Variants in CIITA observed in about 807,000 individuals in gnomAD.
CIITA encodes the protein class II major histocompatibility complex transactivator.
In CIITA, 72 loss-of-function variants were observed where a neutral mutation model predicts 115.1. The observed-to-expected ratio is 0.63, with a 90% CI of 0.52 to 0.76. The LOEUF (loss-of-function observed/expected upper bound fraction) is 0.76. CIITA is among the 30% of genes least tolerant of loss of function. The pLI is 0.00. For missense variants in CIITA, 1,617 were observed against 1,463.8 expected, an observed-to-expected ratio of 1.10 and a Z score of -1.71; for synonymous variants, 763 against 635.6, an observed-to-expected ratio of 1.20 and a Z score of -3.02.
upstream of CIITA, among the ~76,000 whole-genome samples, chr16:10,875,668 T>C (rs1347309875): frequency 6.6e-6 from 1 of 152,152 alleles, no homozygotes; most frequent in Non-Finnish European, 1.5e-5. Flanking sequence ...TTTACTTATC[T>C]TTCTTTTCTT....
In CIITA at chr16:10,907,295, G is replaced by C. The variant is rs758215284; in HGVS notation, c.1803G>C (p.Arg601=). 74 of 1,613,438 alleles carry C rather than the reference G, an allele frequency of 4.6e-5. No individual in the cohort carries two copies. The South Asian group carries it at 7.8e-4, about 17-fold the overall frequency. The change falls in exon 11 of 20, where the codon CGG becomes CGC. Residue 601 remains arginine (R), a synonymous_variant. Transcript: ENST00000324288. The surrounding 1 kb of genome is among the most constrained non-coding windows in gnomAD (Gnocchi z 5.0). ...GAGCCCTGACGCTCCTCCGGGACCG[G>C]CCACTTCTTCTCAGTCACAGCCACA... ...QDRALTLLRD[R]PLLLSHSHSP...
At chr16:10,880,746 C>T (rs2036342255) in intron 1 of CIITA, among the ~76,000 whole-genome samples, 1 of 152,284 alleles carries the variant, frequency 6.6e-6, no homozygotes, top group Admixed American at 6.5e-5. Context: ...TAGTTCCAGG[C>T]AATCAGGGAA....
At chr16:10,904,893 A>G (rs2144650416) in intron 10 of CIITA, 81 bp downstream of exon 10, 1 of 1,382,384 alleles carries the variant, frequency 7.2e-7, no homozygotes, top group Non-Finnish European at 1.0e-6. Context: ...TTCACTTGAC[A>G]CTTATTCAAC....
rs956234241 is a variant in CIITA at position 10,930,471 on chromosome 16, A to G, written c.*6616A>G. The G allele has an allele frequency of 1.2e-4, 18 of 152,102 alleles. No individual in the cohort carries two copies. The highest frequency in any genetic ancestry group is 4.3e-4 in the African/African-American group (18 of 41,404). The allele number at this position is 152,102 out of a possible 1,614,324, so 9.4% of individuals were successfully genotyped here. A position where few individuals can be genotyped will look rare whatever the true frequency, so the allele number is the denominator to read the frequency against. ...CCCTCCTACCCTATTTCCAAGGTCG[A>G]CCTAAGGGGGCGGAACTGTTTCCAT... On this transcript the variant is annotated 3_prime_UTR_variant, in exon 20 of 20. Coordinates refer to ENST00000324288, the MANE Select transcript of CIITA (RefSeq NM_000246.4).
chr16:10,876,795 G>C (rs1320441291), upstream of CIITA, among the ~76,000 whole-genome samples: 2 of 152,210 alleles, frequency 1.3e-5, no homozygotes, highest in Admixed American at 6.5e-5. Context: ...TGGTAGAGGA[G>C]AGCAGCATCT....
chr16:10,869,934 T>A (rs1226121835), intron 1 of CIITA, among the ~76,000 whole-genome samples: 1 of 152,170 alleles, frequency 6.6e-6, no homozygotes, highest in Non-Finnish European at 1.5e-5. Context: ...CCCAAATACC[T>A]AGCACAGGGC....
At chr16:10,876,960 G>T (rs781600268), upstream of CIITA, among the ~76,000 whole-genome samples, 3 of 152,190 alleles carry the variant, frequency 2.0e-5, no homozygotes, top group Non-Finnish European at 2.9e-5. Context: ...ACTGTTGAAG[G>T]TTCCCCCAAC....
At chr16:10,870,552 C>G (rs1365698452) in intron 1 of CIITA, among the ~76,000 whole-genome samples, 1 of 152,192 alleles carries the variant, frequency 6.6e-6, no homozygotes, top group African/African-American at 2.4e-5. Context: ...CAACATCTAT[C>G]AGAGGCCAAA....
intron 5 of CIITA, among the ~76,000 whole-genome samples, chr16:10,900,754 A>T (rs1295162959): frequency 1.3e-5 from 2 of 150,716 alleles, no homozygotes; most frequent in African/African-American, 5.0e-5. Context: ...AAAAAAAAAA[A>T]TGTTTTCAAG....
At chr16:10,870,896 A>G (rs1227949676) in intron 1 of CIITA, among the ~76,000 whole-genome samples, 1 of 152,240 alleles carries the variant, frequency 6.6e-6, no homozygotes, top group Non-Finnish European at 1.5e-5. Context: ...GGTTTGAGGC[A>G]CCAAGAAAAA....
intron 1 of CIITA, among the ~76,000 whole-genome samples, chr16:10,870,520 A>T (rs1210918063): frequency 6.6e-6 from 1 of 152,236 alleles, no homozygotes; most frequent in Non-Finnish European, 1.5e-5. Context: ...TCCCTGGTCA[A>T]CAGTGGGTCA....
At chr16:10,902,824 C>T (rs373996375) in intron 8 of CIITA, 23 bp downstream of exon 8, 49 of 1,613,728 alleles carry the variant, frequency 3.0e-5, no homozygotes, top group Admixed American at 8.3e-5. Flanking sequence ...CCTGGCTCCC[C>T]GACCACCTCT....
At position 10,907,177 on chromosome 16, in the gene CIITA, C is replaced by T; in HGVS notation, c.1685C>T (p.Ala562Val). The change falls in exon 11 of 20, where the codon GCC (alanine) becomes GTC (valine). Residue 562 changes from alanine to valine, a missense_variant. Physicochemically the swap from Ala to Val is moderately conservative, Grantham distance 64 (BLOSUM62 0). Coordinates refer to ENST00000324288, the MANE Select transcript of CIITA (RefSeq NM_000246.4). This position sits in a 1 kb window ranked among gnomAD's most constrained non-coding sequence, Gnocchi z 5.0. ...GTCCAGAGCCTGAGCAAGGCCGACG[C>T]CCTATTTGAGCTGTCCGGCTTCTCC... ...RLVQSLSKADALFELSGFSME... is the reference protein window; with the variant it reads ...RLVQSLSKADVLFELSGFSME... The T allele has an allele frequency of 6.2e-7, 1 of 1,613,538 alleles. No individual in the cohort carries two copies.
In CIITA at chr16:10,933,576, C is replaced by T. The variant is rs2040890483; in HGVS notation, c.*9721C>T. On this transcript the variant is annotated 3_prime_UTR_variant, in exon 20 of 20. Coordinates refer to ENST00000324288, the MANE Select transcript of CIITA (RefSeq NM_000246.4). Reference sequence around the variant, plus strand: ...AGGGGACAGTGCCCACCACATTGGGCTGTTTGTGTCCATGGAGTGCCTGAC... The same window carrying T: ...AGGGGACAGTGCCCACCACATTGGGTTGTTTGTGTCCATGGAGTGCCTGAC... 6.6e-6 allele frequency: 1 copy of T among 152,258 alleles called. No individual in the cohort carries two copies. Among genetic ancestry groups the T allele is most frequent in the African/African-American group, 2.4e-5 (1 of 41,430 alleles). 9.4% of individuals were successfully genotyped at this position (152,258 alleles called of 1,614,324 possible). A position where few individuals can be genotyped will look rare whatever the true frequency, so the allele number is the denominator to read the frequency against.
rs758762166 is a variant in CIITA at position 10,904,808 on chromosome 16, G to T, written c.1002G>T (p.Trp334Cys). Residue 334 changes from tryptophan to cysteine, a missense_variant, in exon 10 of 20, where the codon TGG (tryptophan) becomes TGT (cysteine). By Grantham distance (215) the Trp-to-Cys change is radical. Transcript: ENST00000324288. The stretch of plus-strand genomic sequence containing the variant: ...AGGTCTCCAACAAGCTTCCAAAATG[G>T]CCTGGTGAGTGATGCGGGATCTCTC... ...AGEVSNKLPK[W>C]PEPVEQFYRS... 6 of 1,614,148 alleles carry T rather than the reference G, an allele frequency of 3.7e-6. No homozygotes were observed. The South Asian group carries it at 6.6e-5, about 18-fold the overall frequency.
At chr16:10,882,270 C>T (rs1410623408) in intron 1 of CIITA, among the ~76,000 whole-genome samples, 12 of 152,016 alleles carry the variant, frequency 7.9e-5, no homozygotes, top group Admixed American at 7.9e-4. Context: ...CAATATGACC[C>T]CAAAAATTGT....
chr16:10,902,876 T>C, intron 8 of CIITA, 75 bp downstream of exon 8: 5 of 1,562,806 alleles, frequency 3.2e-6, no homozygotes, highest in Non-Finnish European at 4.4e-6. Flanking sequence ...CTCCCCATAC[T>C]CCATGCACTT....
rs1826385258 is a variant in CIITA, at chr16:10,908,137, T to C, written c.2645T>C (p.Val882Ala). 6.4e-7 allele frequency: 1 copy of C among 1,567,170 alleles called. No homozygotes were observed. The change falls in exon 11 of 20, where the codon GTC becomes GCC. Residue 882 changes from valine to alanine, a missense_variant. Coordinates refer to ENST00000324288, the MANE Select transcript of CIITA (RefSeq NM_000246.4). The part of the protein sequence containing the change: ...GLGSLVGLSC[V>A]TRFRAALSDT... ...GGGAGCCTCGTGGGACTCAGCTGTG[T>C]CACCCGTTTCAGGTGGGGTGAGGGG...
At position 10,941,596 on chromosome 16, in the gene CIITA, T is replaced by C; in HGVS notation, n.722T>C. On this transcript the variant is annotated non_coding_transcript_exon_variant, in exon 2 of 2. Transcript: ENST00000573379. The surrounding 1 kb of genome is among the most constrained non-coding windows in gnomAD (Gnocchi z 6.4). The stretch of plus-strand genomic sequence containing the variant: ...GCCTCGGAGGCAGGGGAGGGTCTCC[T>C]CCTGGGGAACCATCCCCGTCCAGAT... The C allele has an allele frequency of 2.0e-6, 3 of 1,480,996 alleles. No homozygotes were observed. Among genetic ancestry groups the C allele is most frequent in the South Asian group, 1.4e-5 (1 of 70,742 alleles). The allele number at this position is 1,480,996 out of a possible 1,614,324, so 91.7% of individuals were successfully genotyped here. A position where few individuals can be genotyped will look rare whatever the true frequency, so the allele number is the denominator to read the frequency against.
Sources: allele counts gnomAD v4.1 joint callset (sites outside exome capture counted in the v4.1 genomes callset), GRCh38; gene constraint gnomAD v4.1.1; non-coding constraint Gnocchi (gnomAD v3.1); transcripts MANE v1.5; gene names NCBI Gene and HGNC (gene_info 2026-07-23, HGNC 2026-07-21).